The following CDC25C variants were observed in gnomAD, a reference collection of about 807,000 sequenced individuals.
CDC25C encodes the protein M-phase inducer phosphatase 3.
A neutral mutation model predicts 52.5 loss-of-function variants in CDC25C; 48 were observed. The observed-to-expected ratio is 0.91, with a 90% CI of 0.72 to 1.16. CDC25C has a LOEUF of 1.16. Among genes scored for constraint, CDC25C ranks in the 50% most tolerant of loss-of-function variants. The probability of loss-of-function intolerance (pLI) is 0.00; values close to 1 mark genes in which losing one functional copy is unlikely to be tolerated. For missense variants in CDC25C, 510 were observed against 566.1 expected, an observed-to-expected ratio of 0.90 and a Z score of 1.01; for synonymous variants, 187 against 206.5, an observed-to-expected ratio of 0.91 and a Z score of 0.81.
At chr5:138,332,493 T>G (rs1182952191), upstream of CDC25C, among the ~76,000 whole-genome samples, 3 of 152,180 alleles carry the variant, frequency 2.0e-5, no homozygotes, top group Admixed American at 1.3e-4. Context: ...TTAAATCATC[T>G]TGGTATAATC....
intron 6 of CDC25C, among the ~76,000 whole-genome samples, chr5:138,321,392 C>T (rs1759372411): frequency 6.6e-6 from 1 of 151,990 alleles, no homozygotes; most frequent in Admixed American, 6.6e-5. Context: ...ACATATAAGA[C>T]TATCCAATAA....
In CDC25C at chr5:138,302,286, C is replaced by T. The variant is rs139296700; in HGVS notation, c.616-10170G>A. On this transcript the variant is annotated intron_variant, in intron 7 of 13. Coordinates refer to ENST00000323760, the MANE Select transcript of CDC25C (RefSeq NM_001790.5). The stretch of plus-strand genomic sequence containing the variant: ...TGCTGGGATTACAGGCATGAGCCAC[C>T]GTGCTCGGCCGATGTAAAAATTATC... 7.0e-3 allele frequency among the ~76,000 whole-genome samples: 1,060 copies of T among 151,882 alleles called. 8 individuals carry two copies. The highest frequency in any genetic ancestry group is 0.024 in the African/African-American group (983 of 41,466).
chr5:138,306,819 A>G, intron 7 of CDC25C, among the ~76,000 whole-genome samples: 1 of 150,038 alleles, frequency 6.7e-6, no homozygotes, highest in East Asian at 2.0e-4. Flanking sequence ...TAAAACAGTA[A>G]CAAAAAAAAA....
chr5:138,330,618 C>T (rs1760288841), intron 2 of CDC25C, among the ~76,000 whole-genome samples: 2 of 152,154 alleles, frequency 1.3e-5, no homozygotes, highest in South Asian at 4.1e-4. Flanking sequence ...AGCAATCCTC[C>T]CACCTCAGCC....
intron 7 of CDC25C, among the ~76,000 whole-genome samples, chr5:138,298,557 C>T (rs1157035132): frequency 6.6e-6 from 1 of 151,340 alleles, no homozygotes; most frequent in East Asian, 2.0e-4. Context: ...CGAGACCATC[C>T]TGGCCAACAT....
chr5:138,310,867 A>G (rs750899149), intron 7 of CDC25C, among the ~76,000 whole-genome samples: 6 of 152,192 alleles, frequency 3.9e-5, no homozygotes, highest in Non-Finnish European at 8.8e-5. Flanking sequence ...CTTAGCTGTT[A>G]TGTTTTAACT....
chr5:138,303,988 T>C lies in CDC25C; in HGVS notation c.616-11872A>G, dbSNP rs11567987. Among the ~76,000 whole-genome samples, 1,091 of 152,258 alleles carry C rather than the reference T, an allele frequency of 7.2e-3. 8 individuals carry two copies. Among genetic ancestry groups the C allele is most frequent in the African/African-American group, 0.024 (1,014 of 41,550 alleles). ...GGGTATAAAAGGAGATTGATTGCTG[T>C]ATCTGGTGAGAAAAGAAGGCAGTTT... On this transcript the variant is annotated intron_variant, in intron 7 of 13. Transcript: ENST00000323760.
At position 138,286,008 on chromosome 5, in the gene CDC25C, G is replaced by A. The variant is rs1011371550; in HGVS notation, c.1272+14C>T. The A allele has an allele frequency of 1.3e-6, 2 of 1,597,698 alleles. No individual in the cohort carries two copies. Among genetic ancestry groups the A allele is most frequent in the Non-Finnish European group, 1.7e-6 (2 of 1,165,508 alleles). On this transcript the variant is annotated intron_variant, in intron 13 of 13. Transcript: ENST00000323760. Reference sequence around the variant, plus strand: ...GTTGTTAAAGTTTGGCTCCCCGCATGCCCCACCCTTTACCATATATTCTGG... The same window carrying A: ...GTTGTTAAAGTTTGGCTCCCCGCATACCCCACCCTTTACCATATATTCTGG...
chr5:138,328,774 G>GT (rs200899885), intron 3 of CDC25C: 18,503 of 276,734 alleles, frequency 0.067, no homozygotes, highest in Middle Eastern at 0.1. Context: ...TACCTATGGA[G>GT]TTTTTTTTTT....
chr5:138,334,088 C>A (rs935143532), upstream of CDC25C, among the ~76,000 whole-genome samples: 3 of 152,122 alleles, frequency 2.0e-5, no homozygotes, highest in Admixed American at 6.5e-5. Context: ...TGCCCGCCAC[C>A]ACGCCTGGCT....
intron 3 of CDC25C, 35 bp from the exon 4 acceptor site, chr5:138,328,564 T>G: frequency 6.4e-7 from 1 of 1,571,658 alleles, no homozygotes; most frequent in Admixed American, 1.7e-5. Flanking sequence ...TAAAAGGAGT[T>G]ATTCTTGTCC....
intron 6 of CDC25C, among the ~76,000 whole-genome samples, chr5:138,321,749 TCAAAAAAAAAAAAAA>T (rs1759413267): frequency 3.4e-5 from 1 of 29,558 alleles, no homozygotes; most frequent in African/African-American, 1.6e-4. Context: ...AGACTCTGTC[TCAAAAAAAAAAAAAA>T]AAAAAAAAAA....
intron 6 of CDC25C, among the ~76,000 whole-genome samples, chr5:138,323,494 G>C (rs1759602782): frequency 6.6e-6 from 1 of 151,716 alleles, no homozygotes; most frequent in South Asian, 2.1e-4. Flanking sequence ...GGGTGGGGTA[G>C]AGATGTGGTC....
upstream of CDC25C, among the ~76,000 whole-genome samples, chr5:138,336,596 A>G (rs1760720630): frequency 6.6e-6 from 1 of 152,134 alleles, no homozygotes; most frequent in African/African-American, 2.4e-5. Context: ...TGAGATGGAA[A>G]GGATTGCTTG....
At position 138,291,969 on chromosome 5, in the gene CDC25C, C is replaced by G; in HGVS notation, c.762+1G>C. On this transcript the variant is annotated splice_donor_variant, in intron 8 of 13. Coordinates refer to ENST00000323760, the MANE Select transcript of CDC25C (RefSeq NM_001790.5). LOFTEE classifies it high-confidence loss of function. ...AGATTTTCATCTTAAAAAGTTCTTA[C>G]CTTCCTGAGCTTTCCTTGGCCAGAA... The G allele has an allele frequency of 1.2e-6, 2 of 1,600,552 alleles. No individual in the cohort carries two copies. The highest frequency in any genetic ancestry group is 1.7e-6 in the Non-Finnish European group (2 of 1,173,480).
At chr5:138,328,698 AC>A in intron 3 of CDC25C, 169 bp from the exon 4 acceptor site, 1 of 572,040 alleles carries the variant, frequency 1.7e-6, no homozygotes, top group Middle Eastern at 4.4e-4. Flanking sequence ...GTACAATTTC[AC>A]AGAAACGTAA....
At chr5:138,300,540 G>A (rs1201921422) in intron 7 of CDC25C, among the ~76,000 whole-genome samples, 1 of 151,642 alleles carries the variant, frequency 6.6e-6, no homozygotes, top group Admixed American at 6.6e-5. Flanking sequence ...TCCATTCTGG[G>A]CAACAGAGTG....
At chr5:138,322,823 GT>G (rs1398246168) in intron 6 of CDC25C, among the ~76,000 whole-genome samples, 4 of 151,564 alleles carry the variant, frequency 2.6e-5, no homozygotes, top group African/African-American at 9.7e-5. Context: ...GTTTCACCAT[GT>G]TGCCCAGGCT....
At position 138,330,880 on chromosome 5, in the gene CDC25C, T is replaced by G. The variant is rs906043188; in HGVS notation, c.194+107A>C. On this transcript the variant is annotated intron_variant, in intron 2 of 13. Coordinates refer to ENST00000323760, the MANE Select transcript of CDC25C (RefSeq NM_001790.5). ...ACACAGTCAAGGGCAGAGTTGAGACTTAAAGCCTGACCTTTGAGCCGGGAT... is the reference window on the plus strand; with the variant it reads ...ACACAGTCAAGGGCAGAGTTGAGACGTAAAGCCTGACCTTTGAGCCGGGAT... 1.6e-5 allele frequency: 12 copies of G among 771,948 alleles called. No individual in the cohort carries two copies. In the African/African-American group the frequency reaches 1.9e-4, roughly 12 times the overall value. 47.8% of individuals were successfully genotyped at this position (771,948 alleles called of 1,614,324 possible).
Sources: gnomAD v4.1 joint callset for allele counts (sites outside exome capture counted in the v4.1 genomes callset) on GRCh38, gnomAD v4.1.1 for gene constraint, MANE v1.5 for transcripts, NCBI Gene and HGNC (gene_info 2026-07-23, HGNC 2026-07-21) for gene names.